Variants in ATXN7L1 observed in about 807,000 individuals in gnomAD.
ATXN7L1 encodes ataxin-7-like protein 1.
A neutral mutation model predicts 70.8 loss-of-function variants in ATXN7L1; 15 were observed. The ratio of observed to expected loss-of-function variants is 0.21; its 90% CI spans 0.14 to 0.33. The LOEUF is 0.33. ATXN7L1 is among the 10% of genes least tolerant of loss of function. ATXN7L1 has a pLI of 1.00. For missense variants in ATXN7L1, 975 were observed against 1,097.1 expected, an observed-to-expected ratio of 0.89 and a Z score of 1.57; for synonymous variants, 440 against 445.1, an observed-to-expected ratio of 0.99 and a Z score of 0.14.
At chr7:105,733,670 C>CCATCCACCCATCCATCCATT in intron 3 of ATXN7L1, among the ~76,000 whole-genome samples, 1 of 121,542 alleles carries the variant, frequency 8.2e-6, no homozygotes. Context: ...ATCCATCCAT[C>CCATCCACCCATCCATCCATT]CATCCATCCA....
Position 105,727,746 on chromosome 7 carries a change from G to GTATATATATATATATA in ATXN7L1, c.355+60842_355+60857dup, listed in dbSNP as rs1232202676. Among the ~76,000 whole-genome samples, 111 of 55,294 alleles carry GTATATATATATATATA rather than the reference G, an allele frequency of 2.0e-3. 2 individuals are homozygous for GTATATATATATATATA. Among genetic ancestry groups the GTATATATATATATATA allele is most frequent in the African/African-American group, 8.8e-3 (90 of 10,200 alleles). 36.3% of individuals were successfully genotyped at this position (55,294 alleles called of 152,430 possible). On this transcript the variant is annotated intron_variant, in intron 3 of 11. Transcript: ENST00000419735. ...CATAGGGGTGTGTGTGTGTATGTGT[G>GTATATATATATATATA]TATATATATATATATATATATATAT...
At chr7:105,811,950 C>T (rs1195291177) in intron 2 of ATXN7L1, among the ~76,000 whole-genome samples, 1 of 152,164 alleles carries the variant, frequency 6.6e-6, no homozygotes, top group Non-Finnish European at 1.5e-5. Flanking sequence ...CTCTCAACTG[C>T]CCCCATACCT....
intron 11 of ATXN7L1, among the ~76,000 whole-genome samples, chr7:105,610,166 A>G (rs1584273754): frequency 6.6e-6 from 1 of 152,142 alleles, no homozygotes; most frequent in African/African-American, 2.4e-5. Context: ...AAAAACTGAG[A>G]CTCAGAGAGG....
intron 2 of ATXN7L1, among the ~76,000 whole-genome samples, chr7:105,845,728 G>A (rs995353808): frequency 6.6e-6 from 1 of 152,128 alleles, no homozygotes; most frequent in Non-Finnish European, 1.5e-5. Context: ...ACAGAACTGA[G>A]AGTCTAGAAA....
In ATXN7L1 at chr7:105,740,810, G is replaced by T. The variant is rs1797937476; in HGVS notation, c.355+47794C>A. 1.9e-5 allele frequency among the ~76,000 whole-genome samples: 2 copies of T among 106,104 alleles called. 1 individual carries two copies. Among genetic ancestry groups the T allele is most frequent in the Admixed American group, 2.3e-4 (2 of 8,784 alleles). The allele number at this position is 106,104 out of a possible 152,430, so 69.6% of individuals were successfully genotyped here. On this transcript the variant is annotated intron_variant, in intron 3 of 11. Transcript: ENST00000419735. ...AATGGAGTCTCACTCTGTCGCCCAG[G>T]CTGGAGTGCGGTGGTGCGATCTTGG...
At chr7:105,659,839 CCTGGTTCCAAA>C (rs1196064037) in intron 4 of ATXN7L1, among the ~76,000 whole-genome samples, 1 of 152,138 alleles carries the variant, frequency 6.6e-6, no homozygotes, top group Admixed American at 6.5e-5. Context: ...TCTCTTGACC[CCTGGTTCCAAA>C]CATTCAATGC....
intron 3 of ATXN7L1, among the ~76,000 whole-genome samples, chr7:105,769,996 A>T (rs1801767548): frequency 6.6e-6 from 1 of 152,228 alleles, no homozygotes; most frequent in Non-Finnish European, 1.5e-5. Context: ...CTTTAGCAGG[A>T]CTTGCATTTG....
intron 2 of ATXN7L1, among the ~76,000 whole-genome samples, chr7:105,814,390 G>A (rs1283874529): frequency 1.3e-5 from 2 of 152,150 alleles, no homozygotes; most frequent in African/African-American, 4.8e-5. Flanking sequence ...TGAAGAAGGG[G>A]ATGGGGAGAA....
At chr7:105,661,364 G>A (rs1018080304) in intron 4 of ATXN7L1, among the ~76,000 whole-genome samples, 3 of 152,190 alleles carry the variant, frequency 2.0e-5, no homozygotes, top group Non-Finnish European at 4.4e-5. Flanking sequence ...TGGATACTCA[G>A]TATTGACTTA....
intron 3 of ATXN7L1, among the ~76,000 whole-genome samples, chr7:105,683,870 G>T (rs1328361247): frequency 6.6e-6 from 1 of 152,120 alleles, no homozygotes; most frequent in Non-Finnish European, 1.5e-5. Flanking sequence ...TTTCCATAAA[G>T]GAATCATCAT....
chr7:105,788,116 G>A (rs1804589372), intron 3 of ATXN7L1: 1 of 153,150 alleles, frequency 6.5e-6, no homozygotes, highest in Admixed American at 6.5e-5. Flanking sequence ...GGATTCTTGG[G>A]AAAGGTGAAT....
chr7:105,856,397 C>A (rs1190253558), intron 2 of ATXN7L1, among the ~76,000 whole-genome samples: 1 of 151,936 alleles, frequency 6.6e-6, no homozygotes, highest in Non-Finnish European at 1.5e-5. Flanking sequence ...ACCAGCCTGG[C>A]CAACATGGTG....
intron 3 of ATXN7L1, among the ~76,000 whole-genome samples, chr7:105,711,283 C>T (rs1476126435): frequency 1.3e-5 from 2 of 152,164 alleles, no homozygotes; most frequent in East Asian, 3.8e-4. Context: ...CTGGCCCCTC[C>T]CAAATCTCAT....
At chr7:105,768,506 C>T (rs1801571646) in intron 3 of ATXN7L1, among the ~76,000 whole-genome samples, 1 of 152,210 alleles carries the variant, frequency 6.6e-6, no homozygotes, top group African/African-American at 2.4e-5. Context: ...ACAAGCGACT[C>T]TAAGCTTTGG....
At chr7:105,779,335 T>C (rs911474733) in intron 3 of ATXN7L1, among the ~76,000 whole-genome samples, 2 of 152,252 alleles carry the variant, frequency 1.3e-5, no homozygotes, top group Non-Finnish European at 2.9e-5. Context: ...TTAGCTTTAT[T>C]GCTGTTATTT....
intron 7 of ATXN7L1, among the ~76,000 whole-genome samples, chr7:105,628,202 G>C (rs1490350006): frequency 6.6e-6 from 1 of 152,046 alleles, no homozygotes; most frequent in Non-Finnish European, 1.5e-5. Context: ...CATGGTACTT[G>C]CAATTTACAT....
intron 2 of ATXN7L1, among the ~76,000 whole-genome samples, chr7:105,805,066 A>T (rs1807358205): frequency 6.6e-6 from 1 of 152,244 alleles, no homozygotes; most frequent in African/African-American, 2.4e-5. Context: ...ATCAGCTAGG[A>T]TGACAACATA....
At chr7:105,704,641 T>G (rs1792913794) in intron 3 of ATXN7L1, among the ~76,000 whole-genome samples, 1 of 141,970 alleles carries the variant, frequency 7.0e-6, no homozygotes, top group African/African-American at 2.6e-5. Flanking sequence ...TTGCCCAGGC[T>G]GGAGTGCAGT....
chr7:105,867,053 C>T (rs1006685433), intron 2 of ATXN7L1, among the ~76,000 whole-genome samples: 6 of 152,222 alleles, frequency 3.9e-5, no homozygotes, highest in African/African-American at 1.4e-4. Context: ...ATCTGCCTAA[C>T]TTTTCTAAAT....
Sources: allele counts gnomAD v4.1 joint callset (sites outside exome capture counted in the v4.1 genomes callset), GRCh38; gene constraint gnomAD v4.1.1; transcripts MANE v1.5; gene names NCBI Gene and HGNC (gene_info 2026-07-23, HGNC 2026-07-21).